Variants in EPHB1 observed in about 807,000 individuals in gnomAD.
EPHB1 encodes ephrin type-B receptor 1.
EPHB1 carries 30 observed loss-of-function variants against 94.4 expected under a neutral mutation model. The observed-to-expected ratio is 0.32, with a 90% CI of 0.24 to 0.43. The LOEUF is 0.43. Ranked by LOEUF, EPHB1 falls within the 20% of genes least tolerant of loss-of-function variation. The pLI is 1.00. For missense variants in EPHB1, 1,055 were observed against 1,308.3 expected (o/e 0.81, Z 2.99); for synonymous variants, 522 against 489.1 (o/e 1.07, Z -0.89).
At chr3:134,990,691 C>T (rs982991884) in intron 3 of EPHB1, among the ~76,000 whole-genome samples, 1 of 152,200 alleles carries the variant, frequency 6.6e-6, no homozygotes, top group African/African-American at 2.4e-5. Flanking sequence ...TGCTCATTCT[C>T]CTGTATATTT....
At chr3:134,988,701 T>G (rs1198570214) in intron 3 of EPHB1, among the ~76,000 whole-genome samples, 4 of 152,328 alleles carry the variant, frequency 2.6e-5, no homozygotes, top group African/African-American at 9.6e-5. Flanking sequence ...TCACAGTGAT[T>G]TGTATGTATA....
rs542828329 is a variant in EPHB1, at chr3:135,181,908, G to A, written c.1882+1926G>A. On this transcript the variant is annotated intron_variant, in intron 10 of 15. Transcript: ENST00000398015. ...TCTCCATGACTCATGTGATATTGGG[G>A]AGAAATGATGCATTTAGTAGTTTCT... Among the ~76,000 whole-genome samples the A allele has an allele frequency of 3.9e-5, 6 of 152,288 alleles. No homozygotes were observed. The East Asian group carries it at 1.2e-3, about 29-fold the overall frequency.
chr3:134,909,851 C>T (rs1419267922), intron 1 of EPHB1, among the ~76,000 whole-genome samples: 1 of 152,184 alleles, frequency 6.6e-6, no homozygotes, highest in Admixed American at 6.5e-5. Context: ...TTCCAGATTG[C>T]CCCCAACTGC....
At chr3:134,911,001 A>G (rs988480845) in intron 1 of EPHB1, among the ~76,000 whole-genome samples, 1 of 152,186 alleles carries the variant, frequency 6.6e-6, no homozygotes, top group African/African-American at 2.4e-5. Flanking sequence ...AGTGATTGAG[A>G]CCTGCTCTGA....
At chr3:134,925,459 G>A (rs746787540) in intron 1 of EPHB1, among the ~76,000 whole-genome samples, 13 of 152,330 alleles carry the variant, frequency 8.5e-5, no homozygotes, top group Middle Eastern at 3.4e-3. Context: ...CACGGCCCTG[G>A]CAGAATCTCT....
intron 9 of EPHB1, 68 bp from the exon 10 acceptor site, chr3:135,179,792 C>G (rs1274008218): frequency 6.3e-7 from 1 of 1,586,152 alleles, no homozygotes; most frequent in East Asian, 2.2e-5. Context: ...GTGCTGGGGA[C>G]ATCAGCAGTG....
chr3:135,013,322 C>T (rs1334835033), intron 3 of EPHB1, among the ~76,000 whole-genome samples: 1 of 152,212 alleles, frequency 6.6e-6, no homozygotes, highest in Non-Finnish European at 1.5e-5. Context: ...CCTGCAGTGC[C>T]AACTCTGCAG....
At position 135,224,372 on chromosome 3, in the gene EPHB1, A is replaced by G. The variant is rs1292402023; in HGVS notation, c.2347-16776A>G. ...TGGCATATTTTCTGATATTTCTCAT[A>G]ATTAGATTCAGATTCTACATTCTTG... On this transcript the variant is annotated intron_variant, in intron 12 of 15. Coordinates refer to ENST00000398015, the MANE Select transcript of EPHB1 (RefSeq NM_004441.5). 2.0e-5 allele frequency among the ~76,000 whole-genome samples: 3 copies of G among 152,182 alleles called. No individual in the cohort carries two copies. In the East Asian group the frequency reaches 5.8e-4, roughly 29 times the overall value.
At chr3:134,850,823 C>T (rs975228321) in intron 1 of EPHB1, among the ~76,000 whole-genome samples, 1 of 152,212 alleles carries the variant, frequency 6.6e-6, no homozygotes, top group African/African-American at 2.4e-5. Context: ...TCTGAGGGCA[C>T]GAGGGAGGTG....
intron 10 of EPHB1, among the ~76,000 whole-genome samples, chr3:135,185,770 G>A (rs1390614122): frequency 2.6e-5 from 4 of 152,206 alleles, no homozygotes; most frequent in Non-Finnish European, 5.9e-5. Context: ...ATGGAAAAGA[G>A]CAGCTCAGTA....
intron 1 of EPHB1, among the ~76,000 whole-genome samples, chr3:134,859,642 G>A (rs1251607197): frequency 6.6e-6 from 1 of 152,176 alleles, no homozygotes; most frequent in Non-Finnish European, 1.5e-5. Context: ...CCTGGCTTCT[G>A]TCCTCATGGA....
At chr3:135,040,721 A>C (rs7619857) in intron 3 of EPHB1, among the ~76,000 whole-genome samples, 2,667 of 152,352 alleles carry the variant, frequency 0.018, 87 homozygotes, top group African/African-American at 0.062. Context: ...ATCATGTCAT[A>C]GCCCTGGCAG....
chr3:135,021,483 G>T (rs187459090), intron 3 of EPHB1, among the ~76,000 whole-genome samples: 1 of 151,332 alleles, frequency 6.6e-6, no homozygotes, highest in Non-Finnish European at 1.5e-5. Context: ...GGTTATTTCT[G>T]GTATTAAAGA....
chr3:134,903,137 A>G (rs1293342897), intron 1 of EPHB1, among the ~76,000 whole-genome samples: 2 of 152,216 alleles, frequency 1.3e-5, no homozygotes, highest in Non-Finnish European at 2.9e-5. Context: ...CTCTCATCTT[A>G]TTTGATGTAT....
chr3:134,828,745 G>C (rs2036530394), intron 1 of EPHB1, among the ~76,000 whole-genome samples: 1 of 152,188 alleles, frequency 6.6e-6, no homozygotes, highest in South Asian at 2.1e-4. Context: ...GGGGTCTAAT[G>C]GTGCTTCCTG....
At chr3:135,026,983 A>ATT (rs1203556677) in intron 3 of EPHB1, among the ~76,000 whole-genome samples, 5 of 105,890 alleles carry the variant, frequency 4.7e-5, no homozygotes, top group African/African-American at 7.3e-5. Flanking sequence ...GCAATTGTGA[A>ATT]TGGGAGTTCA....
chr3:134,864,726 G>A (rs2037337075), intron 1 of EPHB1, among the ~76,000 whole-genome samples: 1 of 152,198 alleles, frequency 6.6e-6, no homozygotes, highest in Non-Finnish European at 1.5e-5. Flanking sequence ...TCTCATCATG[G>A]CTGTGAAAAA....
At chr3:135,257,906 A>T (rs556483960) in intron 15 of EPHB1, among the ~76,000 whole-genome samples, 3 of 152,250 alleles carry the variant, frequency 2.0e-5, no homozygotes, top group African/African-American at 7.2e-5. Context: ...TGTGGGATAT[A>T]ATCTCGTGGT....
chr3:135,110,028 T>C (rs1342121726), intron 4 of EPHB1, among the ~76,000 whole-genome samples: 2 of 152,238 alleles, frequency 1.3e-5, no homozygotes, highest in East Asian at 3.8e-4. Context: ...GCTTCTGTTT[T>C]AAATAATTTC....
Sources: allele counts gnomAD v4.1 joint callset (sites outside exome capture counted in the v4.1 genomes callset), GRCh38; gene constraint gnomAD v4.1.1; transcripts MANE v1.5; gene names NCBI Gene and HGNC (gene_info 2026-07-23, HGNC 2026-07-21).